PRKAA2: variants seen among roughly 807,000 people sequenced by gnomAD.
PRKAA2 encodes the protein 5'-AMP-activated protein kinase catalytic subunit alpha-2.
In PRKAA2, 40 loss-of-function variants were observed where a neutral mutation model predicts 56.3. That is an observed-to-expected ratio of 0.71 (90% CI 0.55 to 0.92). The LOEUF is 0.92. Ranked by LOEUF, PRKAA2 falls within the 40% of genes least tolerant of loss-of-function variation. PRKAA2 has a pLI of 0.00. For missense variants in PRKAA2, 542 were observed against 686.9 expected, an observed-to-expected ratio of 0.79 and a Z score of 2.36; for synonymous variants, 214 against 234.2, an observed-to-expected ratio of 0.91 and a Z score of 0.79.
At position 56,714,514 on chromosome 1, in the gene PRKAA2, T is replaced by C. The variant is rs1269203518; in HGVS notation, c.*6801T>C. On this transcript the variant is annotated 3_prime_UTR_variant, in exon 9 of 9. Transcript: ENST00000371244. Reference sequence around the variant, plus strand: ...CAAATTGTGGTGTTGTTAGGTGACATTTAATATTTCTTGAGACCTCAAGTA... The same window carrying C: ...CAAATTGTGGTGTTGTTAGGTGACACTTAATATTTCTTGAGACCTCAAGTA... 2.0e-5 allele frequency: 3 copies of C among 152,178 alleles called. No homozygotes were observed. Among genetic ancestry groups the C allele is most frequent in the African/African-American group, 7.2e-5 (3 of 41,456 alleles). The allele number at this position is 152,178 out of a possible 1,614,324, so 9.4% of individuals were successfully genotyped here.
At position 56,691,434 on chromosome 1, in the gene PRKAA2, A is replaced by G. The variant is rs746995531; in HGVS notation, c.277A>G (p.Met93Val). ...ISTPTDFFMVMEYVSGGELFD... is the reference protein window; with the variant it reads ...ISTPTDFFMVVEYVSGGELFD... Reference sequence around the variant, plus strand: ...CACTCCAACAGATTTTTTTATGGTAATGGAATATGTGTCTGGAGGTGAATT... The same window carrying G: ...CACTCCAACAGATTTTTTTATGGTAGTGGAATATGTGTCTGGAGGTGAATT... Residue 93 changes from methionine to valine, a missense_variant, in exon 3 of 9, where the codon ATG becomes GTG. Physicochemically the swap from Met to Val is conservative, Grantham distance 21. Around this residue, in one of 5 missense-constraint regions of PRKAA2, gnomAD observed 121 missense variants for 210.0 expected, o/e 0.58. Transcript: ENST00000371244. 3 of 1,612,900 alleles carry G rather than the reference A, an allele frequency of 1.9e-6. No homozygotes were observed. The highest frequency in any genetic ancestry group is 1.3e-5 in the African/African-American group (1 of 75,006).
At chr1:56,665,680 G>A (rs775657864) in intron 1 of PRKAA2, among the ~76,000 whole-genome samples, 1 of 152,130 alleles carries the variant, frequency 6.6e-6, no homozygotes, top group Non-Finnish European at 1.5e-5. Context: ...TCCAGTTGCT[G>A]TATTTCTTGA....
Position 56,696,120 on chromosome 1 carries a change from A to G in PRKAA2, c.749A>G (p.Gln250Arg), listed in dbSNP as rs534372739. ...GCCACTCTCCTGATGCATATGCTGC[A>G]GGTTGACCCACTGAAACGAGCAACT... Reference protein sequence around the residue: ...SVATLLMHMLQVDPLKRATIK... With the variant: ...SVATLLMHMLRVDPLKRATIK... Residue 250 changes from glutamine (Q) to arginine (R), a missense_variant, in exon 6 of 9, where the codon CAG becomes CGG. Gln to Arg is a conservative substitution (Grantham distance 43). Around this residue, in one of 5 missense-constraint regions of PRKAA2, gnomAD observed 198 missense variants for 234.0 expected, o/e 0.85. Transcript: ENST00000371244. 477 of 1,613,670 alleles carry G rather than the reference A, an allele frequency of 3.0e-4. 6 individuals carry two copies. The South Asian group carries it at 4.7e-3, about 16-fold the overall frequency.
chr1:56,668,751 A>G (rs1644054536), intron 1 of PRKAA2, among the ~76,000 whole-genome samples: 1 of 152,220 alleles, frequency 6.6e-6, no homozygotes, highest in South Asian at 2.1e-4. Context: ...AGTGTTCCAA[A>G]CTATGCCTTA....
intron 2 of PRKAA2, among the ~76,000 whole-genome samples, chr1:56,685,499 A>T (rs1468730473): frequency 6.6e-6 from 1 of 152,154 alleles, no homozygotes; most frequent in Non-Finnish European, 1.5e-5. Flanking sequence ...AGCATTTAAG[A>T]TTTCATTAAA....
In PRKAA2 at chr1:56,645,400, C is replaced by G. The variant is rs1480741512; in HGVS notation, c.13C>G (p.Gln5Glu). ...GCGCGCGCCGAAGATGGCTGAGAAG[C>G]AGAAGCACGACGGGCGGGTGAAGAT... MAEKQKHDGRVKIGH... is the reference protein window; with the variant it reads MAEKEKHDGRVKIGH... Residue 5 changes from glutamine to glutamate, a missense_variant, in exon 1 of 9, where the codon CAG becomes GAG. By Grantham distance (29) the Gln-to-Glu change is conservative. Transcript: ENST00000371244. 2 of 1,501,902 alleles carry G rather than the reference C, an allele frequency of 1.3e-6. No homozygotes were observed. The highest frequency in any genetic ancestry group is 1.2e-5 in the South Asian group (1 of 82,294). The allele number at this position is 1,501,902 out of a possible 1,614,324, so 93.0% of individuals were successfully genotyped here.
At chr1:56,665,508 T>C (rs527242557) in intron 1 of PRKAA2, among the ~76,000 whole-genome samples, 2 of 152,380 alleles carry the variant, frequency 1.3e-5, no homozygotes, top group South Asian at 4.1e-4. Flanking sequence ...ACTTGAGCAC[T>C]TTTAATTTAT....
intron 1 of PRKAA2, among the ~76,000 whole-genome samples, chr1:56,657,092 T>C (rs1049944734): frequency 5.9e-5 from 9 of 152,176 alleles, no homozygotes; most frequent in Non-Finnish European, 1.2e-4. Context: ...AGAGATATCA[T>C]TGTGCAACTG....
intron 4 of PRKAA2, 60 bp downstream of exon 4, chr1:56,692,562 A>C: frequency 3.3e-6 from 5 of 1,526,448 alleles, no homozygotes; most frequent in South Asian, 1.2e-5. Flanking sequence ...ATAACAACTC[A>C]TTGAACTAAG....
chr1:56,697,310 C>T (rs1483487165), intron 6 of PRKAA2, among the ~76,000 whole-genome samples: 1 of 152,008 alleles, frequency 6.6e-6, no homozygotes, highest in East Asian at 1.9e-4. Context: ...AAGTGTGAGT[C>T]GTTGCACCCA....
rs1644255973 is a variant in PRKAA2 at position 56,695,925 on chromosome 1, T to C, written c.564-10T>C. ...GCATTTCAGGTTTGTGTTGTCATCT[T>C]TTTTCTTAGATTGTATGCAGGTCCT... On this transcript the variant is annotated splice_polypyrimidine_tract_variant and intron_variant, in intron 5 of 8. Coordinates refer to ENST00000371244, the MANE Select transcript of PRKAA2 (RefSeq NM_006252.4). 6.2e-7 allele frequency: 1 copy of C among 1,609,852 alleles called. No individual in the cohort carries two copies. Among genetic ancestry groups the C allele is most frequent in the East Asian group, 2.2e-5 (1 of 44,830 alleles).
intron 2 of PRKAA2, among the ~76,000 whole-genome samples, chr1:56,680,836 T>C (rs1644148524): frequency 6.6e-6 from 1 of 152,228 alleles, no homozygotes; most frequent in Admixed American, 6.5e-5. Flanking sequence ...CATGTGTCTT[T>C]ATAGCATCAT....
chr1:56,653,427 G>A (rs1643916475), intron 1 of PRKAA2, among the ~76,000 whole-genome samples: 1 of 151,930 alleles, frequency 6.6e-6, no homozygotes, highest in South Asian at 2.1e-4. Flanking sequence ...GTCCACAAAG[G>A]CAGCCTGATG....
intron 1 of PRKAA2, among the ~76,000 whole-genome samples, chr1:56,671,767 C>T (rs1234824670): frequency 6.6e-6 from 1 of 152,160 alleles, no homozygotes; most frequent in Non-Finnish European, 1.5e-5. Context: ...GATGTTATGC[C>T]ATCACTTACT....
At position 56,713,206 on chromosome 1, in the gene PRKAA2, C is replaced by T. The variant is rs376063646; in HGVS notation, c.*5493C>T. 1.9e-4 allele frequency: 29 copies of T among 152,106 alleles called. No individual in the cohort carries two copies. Among genetic ancestry groups the T allele is most frequent in the African/African-American group, 7.0e-4 (29 of 41,438 alleles). The allele number at this position is 152,106 out of a possible 1,614,324, so 9.4% of individuals were successfully genotyped here. ...CACTGAACAGTAATAGCACAAAGAA[C>T]AGGTCACACAGTCTAGACTGGATTG... On this transcript the variant is annotated 3_prime_UTR_variant, in exon 9 of 9. Coordinates refer to ENST00000371244, the MANE Select transcript of PRKAA2 (RefSeq NM_006252.4).
intron 2 of PRKAA2, among the ~76,000 whole-genome samples, chr1:56,685,051 G>A (rs1156807006): frequency 6.6e-6 from 1 of 152,194 alleles, no homozygotes; most frequent in Non-Finnish European, 1.5e-5. Flanking sequence ...TGACCATGGA[G>A]TGGTTGGCTG....
At chr1:56,683,592 A>G (rs1360632974) in intron 2 of PRKAA2, among the ~76,000 whole-genome samples, 2 of 152,130 alleles carry the variant, frequency 1.3e-5, no homozygotes, top group East Asian at 1.9e-4. Context: ...AATCCTTGCT[A>G]TTATAGAGAT....
chr1:56,670,459 G>A (rs1209605399), intron 1 of PRKAA2, among the ~76,000 whole-genome samples: 1 of 152,146 alleles, frequency 6.6e-6, no homozygotes, highest in Non-Finnish European at 1.5e-5. Flanking sequence ...CAGGATGAAG[G>A]AAGGGATGAG....
At chr1:56,659,167 C>T (rs1323768817) in intron 1 of PRKAA2, among the ~76,000 whole-genome samples, 1 of 151,452 alleles carries the variant, frequency 6.6e-6, no homozygotes, top group African/African-American at 2.4e-5. Flanking sequence ...AGTTGATTTT[C>T]CTGCGGAATC....
Sources: allele counts gnomAD v4.1 joint callset (sites outside exome capture counted in the v4.1 genomes callset), GRCh38; gene constraint gnomAD v4.1.1; regional missense constraint gnomAD v4.1.1; transcripts MANE v1.5; gene names NCBI Gene and HGNC (gene_info 2026-07-23, HGNC 2026-07-21).